MAD1L1: variants seen among roughly 807,000 people sequenced by gnomAD.
MAD1L1 encodes the protein mitotic arrest deficient 1 like 1, also known as mitotic spindle assembly checkpoint protein MAD1.
In MAD1L1, 95 loss-of-function variants were observed where a neutral mutation model predicts 96.9. That is an observed-to-expected ratio of 0.98 (90% CI 0.83 to 1.16). The LOEUF (loss-of-function observed/expected upper bound fraction) is 1.16. Among genes scored for constraint, MAD1L1 ranks in the 50% most tolerant of loss-of-function variants. The probability of loss-of-function intolerance (pLI) is 0.00; values close to 1 mark genes in which losing one functional copy is unlikely to be tolerated. For missense variants in MAD1L1, 1,007 were observed against 954.4 expected, an observed-to-expected ratio of 1.06 and a Z score of -0.73; for synonymous variants, 473 against 396.6, an observed-to-expected ratio of 1.19 and a Z score of -2.29.
chr7:1,911,717 G>C (rs373282306), intron 17 of MAD1L1, among the ~76,000 whole-genome samples: 19 of 135,768 alleles, frequency 1.4e-4, no homozygotes, highest in South Asian at 2.5e-4. Context: ...CATCCCAACC[G>C]TCTCCAGTCT....
intron 18 of MAD1L1, among the ~76,000 whole-genome samples, chr7:1,821,647 A>T (rs1004342905): frequency 3.3e-5 from 5 of 152,164 alleles, no homozygotes; most frequent in African/African-American, 1.2e-4. Context: ...AAAATCAATC[A>T]ATGTTATCCA....
In MAD1L1 at chr7:2,062,584, A is replaced by C. The variant is rs573948757; in HGVS notation, c.1218+6610T>G. On this transcript the variant is annotated intron_variant, in intron 12 of 18. Coordinates refer to ENST00000265854, the MANE Select transcript of MAD1L1 (RefSeq NM_001013836.2). The stretch of plus-strand genomic sequence containing the variant: ...AGAGAGACTCTGTCTCAAACAAAAA[A>C]AAAACAGGGAAGTGAAGTCAGGAGG... 1.4e-4 allele frequency among the ~76,000 whole-genome samples: 21 copies of C among 152,220 alleles called. No homozygotes were observed. The East Asian group carries it at 4.0e-3, about 29-fold the overall frequency.
chr7:1,963,144 T>C (rs1173970792), intron 15 of MAD1L1, among the ~76,000 whole-genome samples: 1 of 152,188 alleles, frequency 6.6e-6, no homozygotes, highest in African/African-American at 2.4e-5. Context: ...ACTTTATTTA[T>C]AATATCCAGC....
At chr7:1,985,618 T>G (rs1489441255) in intron 14 of MAD1L1, among the ~76,000 whole-genome samples, 4 of 152,262 alleles carry the variant, frequency 2.6e-5, no homozygotes, top group African/African-American at 4.8e-5. Context: ...CTCCTCCCTC[T>G]GCCATCCTGA....
chr7:1,827,058 G>A (rs1466895031), intron 18 of MAD1L1, among the ~76,000 whole-genome samples: 3 of 152,240 alleles, frequency 2.0e-5, no homozygotes, highest in Non-Finnish European at 2.9e-5. Flanking sequence ...GCAGCCGGAG[G>A]GGAGCCGAGG....
intron 11 of MAD1L1, among the ~76,000 whole-genome samples, chr7:2,107,015 C>T (rs769124344): frequency 2.6e-5 from 4 of 152,354 alleles, no homozygotes; most frequent in African/African-American, 4.8e-5. Flanking sequence ...TCACAGGGCC[C>T]GGCCCCACAG....
chr7:2,213,931 C>T (rs1584566811), intron 9 of MAD1L1, among the ~76,000 whole-genome samples: 1 of 152,250 alleles, frequency 6.6e-6, no homozygotes, highest in Non-Finnish European at 1.5e-5. Flanking sequence ...GTTCTGGCCT[C>T]GCTTCACCTC....
rs151245354 is a variant in MAD1L1, at chr7:1,885,120, G to A, written c.1998+13080C>T. Reference sequence around the variant, plus strand: ...GGGACCCAGGAGCAGAGGCCCTGTGGTAGAGTCATAGCAGGACAGGGGAAG... The same window carrying A: ...GGGACCCAGGAGCAGAGGCCCTGTGATAGAGTCATAGCAGGACAGGGGAAG... On this transcript the variant is annotated intron_variant, in intron 18 of 18. Transcript: ENST00000265854. Among the ~76,000 whole-genome samples, 381 of 152,298 alleles carry A rather than the reference G, an allele frequency of 2.5e-3. 5 individuals carry two copies. The East Asian group carries it at 0.028, about 11-fold the overall frequency.
At chr7:2,137,008 G>C (rs1292938110) in intron 11 of MAD1L1, among the ~76,000 whole-genome samples, 3 of 152,210 alleles carry the variant, frequency 2.0e-5, no homozygotes, top group Non-Finnish European at 4.4e-5. Context: ...CATGAGAGAG[G>C]AGGCCTCGAG....
chr7:1,867,719 G>A (rs1050781103), intron 18 of MAD1L1, among the ~76,000 whole-genome samples: 1 of 152,236 alleles, frequency 6.6e-6, no homozygotes, highest in South Asian at 2.1e-4. Context: ...CCTGCAGGGT[G>A]GCTGTAGGGG....
chr7:2,108,778 G>C (rs1490100780), intron 11 of MAD1L1, among the ~76,000 whole-genome samples: 1 of 152,188 alleles, frequency 6.6e-6, no homozygotes, highest in African/African-American at 2.4e-5. Flanking sequence ...TGGGGAAACG[G>C]CTCAGCCTCG....
At chr7:1,888,428 A>G (rs536051637) in intron 18 of MAD1L1, among the ~76,000 whole-genome samples, 12 of 98,232 alleles carry the variant, frequency 1.2e-4, no homozygotes, top group South Asian at 4.2e-4. Context: ...GTGAGCATGC[A>G]TGTGGCTGCC....
intron 16 of MAD1L1, among the ~76,000 whole-genome samples, chr7:1,938,805 GCA>G (rs1391795863): frequency 2.6e-5 from 3 of 113,648 alleles, no homozygotes; most frequent in African/African-American, 7.0e-5. Context: ...GACCAGAGGC[GCA>G]CACACACACA....
chr7:1,851,540 G>C (rs2128640956), intron 18 of MAD1L1, among the ~76,000 whole-genome samples: 1 of 152,294 alleles, frequency 6.6e-6, no homozygotes. Context: ...CCCCGGGACA[G>C]CACGGCTAGT....
At chr7:1,918,677 C>A (rs1289403838) in intron 17 of MAD1L1, among the ~76,000 whole-genome samples, 1 of 152,222 alleles carries the variant, frequency 6.6e-6, no homozygotes, top group Non-Finnish European at 1.5e-5. Context: ...GCCTTTATTA[C>A]CCAACACCAA....
rs1443588682 is a variant in MAD1L1 at position 1,870,827 on chromosome 7, TA to T, written c.1998+27372del. On this transcript the variant is annotated intron_variant, in intron 18 of 18. Coordinates refer to ENST00000265854, the MANE Select transcript of MAD1L1 (RefSeq NM_001013836.2). ...TATGCCTGCCACGCTGAACCGACCA[TA>T]ACACCTGCCACGCTGAACCGACCAT... Among the ~76,000 whole-genome samples, 16 of 13,228 alleles carry T rather than the reference TA, an allele frequency of 1.2e-3. 3 individuals carry two copies. The highest frequency in any genetic ancestry group is 0.011 in the Admixed American group (10 of 888). 8.7% of individuals were successfully genotyped at this position (13,228 alleles called of 152,430 possible). A position where few individuals can be genotyped will look rare whatever the true frequency, so the allele number is the denominator to read the frequency against.
intron 5 of MAD1L1, among the ~76,000 whole-genome samples, chr7:2,221,482 C>G (rs1011176033): frequency 1.3e-5 from 2 of 151,966 alleles, no homozygotes; most frequent in Non-Finnish European, 2.9e-5. Context: ...CCAGGACCCC[C>G]GCTGCACGCC....
intron 12 of MAD1L1, among the ~76,000 whole-genome samples, chr7:2,044,661 G>T (rs186124580): frequency 1.3e-5 from 2 of 152,304 alleles, no homozygotes; most frequent in Non-Finnish European, 2.9e-5. Flanking sequence ...CACTGCTCCA[G>T]CCTCGGTTTC....
chr7:1,908,558 T>C (rs1787820383), intron 17 of MAD1L1, among the ~76,000 whole-genome samples: 1 of 152,090 alleles, frequency 6.6e-6, no homozygotes, highest in South Asian at 2.1e-4. Context: ...AATATATATA[T>C]TTTTAGGGTC....
Sources: allele counts gnomAD v4.1 joint callset (sites outside exome capture counted in the v4.1 genomes callset), GRCh38; gene constraint gnomAD v4.1.1; transcripts MANE v1.5; gene names NCBI Gene and HGNC (gene_info 2026-07-23, HGNC 2026-07-21).